The following ARHGEF37 variants were observed in gnomAD, a reference collection of about 807,000 sequenced individuals.
ARHGEF37 encodes Rho guanine nucleotide exchange factor 37.
A neutral mutation model predicts 71.1 loss-of-function variants in ARHGEF37; 55 were observed. The observed-to-expected ratio is 0.77, with a 90% CI of 0.62 to 0.97. The LOEUF (loss-of-function observed/expected upper bound fraction) is 0.97, where lower values mean the gene tolerates loss of function less well. Ranked by LOEUF, ARHGEF37 falls within the 50% of genes least tolerant of loss-of-function variation. The probability of loss-of-function intolerance (pLI) is 0.00; values close to 1 mark genes in which losing one functional copy is unlikely to be tolerated. For missense variants in ARHGEF37, 765 were observed against 836.8 expected, an observed-to-expected ratio of 0.91 and a Z score of 1.06; for synonymous variants, 327 against 350.6, an observed-to-expected ratio of 0.93 and a Z score of 0.75.
chr5:149,593,367 T>C (rs1337525573), intron 1 of ARHGEF37, among the ~76,000 whole-genome samples: 3 of 152,272 alleles, frequency 2.0e-5, no homozygotes, highest in Non-Finnish European at 4.4e-5. Context: ...TCTGTTTCTA[T>C]CTGTTTCTAT....
chr5:149,575,831 C>T (rs934281073), intron 1 of ARHGEF37, among the ~76,000 whole-genome samples: 2 of 151,932 alleles, frequency 1.3e-5, no homozygotes, highest in African/African-American at 4.8e-5. Flanking sequence ...ATTGCTTGAG[C>T]TCAGGGAGTT....
At chr5:149,621,246 T>C (rs1580931540) in intron 8 of ARHGEF37, among the ~76,000 whole-genome samples, 1 of 152,308 alleles carries the variant, frequency 6.6e-6, no homozygotes, top group East Asian at 1.9e-4. Flanking sequence ...GAGGATTGCT[T>C]GAGCCCAGTT....
At chr5:149,570,085 A>C (rs1363429337) in intron 1 of ARHGEF37, among the ~76,000 whole-genome samples, 3 of 152,188 alleles carry the variant, frequency 2.0e-5, no homozygotes, top group Non-Finnish European at 4.4e-5. Flanking sequence ...AAAGCATAAA[A>C]ATTAGACAGA....
intron 2 of ARHGEF37, among the ~76,000 whole-genome samples, chr5:149,598,497 T>C (rs554761513): frequency 2.0e-5 from 3 of 151,100 alleles, no homozygotes; most frequent in African/African-American, 4.9e-5. Context: ...CTTCCTCCTC[T>C]TCTTCTTTTT....
In ARHGEF37 at chr5:149,621,918, A is replaced by C. The variant is rs2113375621; in HGVS notation, c.1191A>C (p.Ala397=). The change falls in exon 9 of 13, where the codon GCA becomes GCC. Residue 397 remains alanine (A), a synonymous_variant. Transcript: ENST00000333677. ...QEEAARHTYQ[A]LNSLLVAELP... is the part of the protein sequence containing the mutation. ...AGGCCGCCCGGCACACATACCAGGC[A>C]CTCAACTCGCTGCTAGTGGCTGAGC... is the stretch of plus-strand genomic sequence containing the variant. The C allele has an allele frequency of 6.2e-7, 1 of 1,614,234 alleles. No homozygotes were observed. Among genetic ancestry groups the C allele is most frequent in the East Asian group, 2.2e-5 (1 of 44,884 alleles).
At chr5:149,623,632 A>G (rs1752600775) in intron 9 of ARHGEF37, among the ~76,000 whole-genome samples, 1 of 152,158 alleles carries the variant, frequency 6.6e-6, no homozygotes, top group Non-Finnish European at 1.5e-5. Context: ...TGATTGGTCC[A>G]TCAGAGTCTG....
intron 11 of ARHGEF37, among the ~76,000 whole-genome samples, chr5:149,628,136 C>A (rs1231375643): frequency 1.3e-5 from 2 of 152,146 alleles, no homozygotes; most frequent in Non-Finnish European, 2.9e-5. Flanking sequence ...GCAAGGCCCC[C>A]GAGGCCAAGA....
rs1363427868 is a variant in ARHGEF37, at chr5:149,609,703, G to C, written c.458+8G>C. 1 of 1,612,168 alleles carries C rather than the reference G, an allele frequency of 6.2e-7. No homozygotes were observed. The highest frequency in any genetic ancestry group is 2.2e-5 in the East Asian group (1 of 44,878). On this transcript the variant is annotated splice_region_variant and intron_variant, in intron 4 of 12. Coordinates refer to ENST00000333677, the MANE Select transcript of ARHGEF37 (RefSeq NM_001001669.3). ...CATCGTTGAGGCGGTGGTGTGAGTA[G>C]AACGGCCAGTGAGCACTCGCTCCTA...
At chr5:149,598,288 T>TCTTCTTCTC (rs1464966848) in intron 2 of ARHGEF37, among the ~76,000 whole-genome samples, 11 of 147,694 alleles carry the variant, frequency 7.4e-5, no homozygotes. Flanking sequence ...TTCTTCTTCT[T>TCTTCTTCTC]CTTCTTCTTC....
chr5:149,574,568 C>T (rs1195309719), intron 1 of ARHGEF37, among the ~76,000 whole-genome samples: 1 of 152,192 alleles, frequency 6.6e-6, no homozygotes, highest in East Asian at 1.9e-4. Flanking sequence ...CTAGAGTGAT[C>T]TCATTCATCT....
intron 1 of ARHGEF37, among the ~76,000 whole-genome samples, chr5:149,585,346 G>C (rs1449970160): frequency 6.6e-6 from 1 of 152,152 alleles, no homozygotes; most frequent in African/African-American, 2.4e-5. Context: ...GAAACAAACA[G>C]TTGTTTATTC....
intron 10 of ARHGEF37, among the ~76,000 whole-genome samples, chr5:149,626,422 C>T (rs1752686856): frequency 6.6e-6 from 1 of 152,210 alleles, no homozygotes; most frequent in Non-Finnish European, 1.5e-5. Flanking sequence ...AATGGAAAAA[C>T]AGGAAATGCC....
In ARHGEF37 at chr5:149,624,819, G is replaced by A. The variant is rs182480867; in HGVS notation, c.1464+679G>A. On this transcript the variant is annotated intron_variant, in intron 10 of 12. Coordinates refer to ENST00000333677, the MANE Select transcript of ARHGEF37 (RefSeq NM_001001669.3). The stretch of plus-strand genomic sequence containing the variant: ...GATTATGTCATTTAAATTTCCTATC[G>A]CTGTGGTATTTTTTATTGCAAAGAA... Among the ~76,000 whole-genome samples, 10 of 151,806 alleles carry A rather than the reference G, an allele frequency of 6.6e-5. No individual in the cohort carries two copies. The East Asian group carries it at 9.7e-4, about 15-fold the overall frequency.
At chr5:149,597,981 C>T (rs1447502042) in intron 2 of ARHGEF37, 26 bp downstream of exon 2, 2 of 1,543,092 alleles carry the variant, frequency 1.3e-6, no homozygotes, top group South Asian at 1.2e-5. Context: ...CACACACAAC[C>T]TGTCTTTATA....
At chr5:149,604,471 T>C (rs1439284690) in intron 3 of ARHGEF37, among the ~76,000 whole-genome samples, 1 of 152,002 alleles carries the variant, frequency 6.6e-6, no homozygotes, top group Non-Finnish European at 1.5e-5. Flanking sequence ...CTTTACAGAG[T>C]CTGCAGAAAA....
chr5:149,605,914 G>A (rs539276510), intron 3 of ARHGEF37, among the ~76,000 whole-genome samples: 2 of 152,222 alleles, frequency 1.3e-5, no homozygotes, highest in South Asian at 4.1e-4. Context: ...ACTAATCCCA[G>A]CTAGAGATGA....
At chr5:149,586,803 C>T (rs1026428671) in intron 1 of ARHGEF37, among the ~76,000 whole-genome samples, 2 of 152,146 alleles carry the variant, frequency 1.3e-5, no homozygotes, top group African/African-American at 4.8e-5. Context: ...CCTGTCTCTG[C>T]CCTCTACACC....
At chr5:149,586,282 T>G (rs1346570863) in intron 1 of ARHGEF37, among the ~76,000 whole-genome samples, 1 of 152,222 alleles carries the variant, frequency 6.6e-6, no homozygotes, top group Non-Finnish European at 1.5e-5. Flanking sequence ...TTTTTGTTTT[T>G]GAGATGGAGT....
At chr5:149,623,595 A>G (rs755247847) in intron 9 of ARHGEF37, among the ~76,000 whole-genome samples, 1 of 152,220 alleles carries the variant, frequency 6.6e-6, no homozygotes, top group Non-Finnish European at 1.5e-5. Flanking sequence ...GGTCACGTTT[A>G]TAAAAGCAGA....
Sources: allele counts gnomAD v4.1 joint callset (sites outside exome capture counted in the v4.1 genomes callset), GRCh38; gene constraint gnomAD v4.1.1; transcripts MANE v1.5; gene names NCBI Gene and HGNC (gene_info 2026-07-23, HGNC 2026-07-21).